Variants in GABRA3 observed in about 807,000 individuals in gnomAD.
The protein encoded by GABRA3 is gamma-aminobutyric acid type A receptor subunit alpha3.
Under a neutral mutation model 30.1 loss-of-function variants are expected in GABRA3, and 10 were observed. The ratio of observed to expected loss-of-function variants is 0.33; its 90% CI spans 0.20 to 0.56. The LOEUF (loss-of-function observed/expected upper bound fraction) is 0.56. GABRA3 is among the 20% of genes least tolerant of loss of function. The pLI is 0.89. For missense variants in GABRA3, 233 were observed against 392.0 expected, an observed-to-expected ratio of 0.59 and a Z score of 3.42; for synonymous variants, 151 against 146.8, an observed-to-expected ratio of 1.03 and a Z score of -0.21.
intron 3 of GABRA3, among the ~76,000 whole-genome samples, chrX:152,325,363 G>A (rs1940036691): frequency 9.0e-6 from 1 of 111,550 alleles, no homozygotes; most frequent in Admixed American, 9.5e-5. Context: ...CTCCCAGCAT[G>A]GAGTTTGAGA....
intron 2 of GABRA3, among the ~76,000 whole-genome samples, chrX:152,360,712 T>TAAAAAAAAAAAATAAAAAAAAAAAAAAAA (rs1928463676): frequency 3.2e-5 from 1 of 31,501 alleles, no homozygotes; most frequent in African/African-American, 1.3e-4. Context: ...AAAAAAAAAT[T>TAAAAAAAAAAAATAAAAAAAAAAAAAAAA]AAAAAAAAAA....
At chrX:152,416,779 AT>A (rs1301447827) in intron 1 of GABRA3, among the ~76,000 whole-genome samples, 2 of 110,575 alleles carry the variant, frequency 1.8e-5, no homozygotes, top group Non-Finnish European at 3.8e-5. Context: ...TGGGGAAAGG[AT>A]TCCCTGTTTA....
At chrX:152,433,411 G>A (rs1296100848) in intron 1 of GABRA3, among the ~76,000 whole-genome samples, 1 of 108,812 alleles carries the variant, frequency 9.2e-6, no homozygotes, top group Non-Finnish European at 1.9e-5. Context: ...GAATGAATAA[G>A]AATTTTCAAG....
chrX:152,394,112 T>C (rs1222307517), intron 1 of GABRA3, among the ~76,000 whole-genome samples: 3 of 111,534 alleles, frequency 2.7e-5, no homozygotes, highest in Admixed American at 1.9e-4. Flanking sequence ...TTATGTATAA[T>C]AGCTTATACA....
chrX:152,369,482 C>T (rs1303192808), intron 1 of GABRA3, among the ~76,000 whole-genome samples: 2 of 111,658 alleles, frequency 1.8e-5, no homozygotes, highest in African/African-American at 3.3e-5. Flanking sequence ...GCCACTGTGG[C>T]CTCCTTCGCT....
intron 3 of GABRA3, among the ~76,000 whole-genome samples, chrX:152,326,911 A>C (rs938075914): frequency 9.0e-6 from 1 of 111,117 alleles, no homozygotes; most frequent in Non-Finnish European, 1.9e-5. Flanking sequence ...AGACTGGCAA[A>C]TTGGATAAAG....
intron 9 of GABRA3, among the ~76,000 whole-genome samples, chrX:152,179,945 C>A: frequency 9.0e-6 from 1 of 111,576 alleles, no homozygotes; most frequent in Non-Finnish European, 1.9e-5. Context: ...ACCACATTTT[C>A]TTTATCTATT....
At chrX:152,236,095 T>A (rs1402484983) in intron 5 of GABRA3, among the ~76,000 whole-genome samples, 3 of 90,526 alleles carry the variant, frequency 3.3e-5, no homozygotes, top group Non-Finnish European at 4.4e-5. Flanking sequence ...CTGCACCCAC[T>A]AACTCGTCAT....
chrX:152,279,235 T>A (rs1202163450), intron 4 of GABRA3, among the ~76,000 whole-genome samples: 2 of 112,183 alleles, frequency 1.8e-5, no homozygotes, highest in African/African-American at 6.5e-5. Context: ...AGGGTTTTTA[T>A]GGTTTTAGGT....
chrX:152,303,369 T>C (rs758388522), intron 3 of GABRA3, among the ~76,000 whole-genome samples: 1 of 111,651 alleles, frequency 9.0e-6, no homozygotes, highest in East Asian at 2.9e-4. Flanking sequence ...TTGTTGGGAG[T>C]GTAAATTAGT....
intron 3 of GABRA3, among the ~76,000 whole-genome samples, chrX:152,300,125 A>G (rs1335938530): frequency 8.9e-6 from 1 of 112,687 alleles, no homozygotes; most frequent in African/African-American, 3.2e-5. Context: ...AAGCTTTGAG[A>G]ACTACACTAT....
At chrX:152,409,099 T>C (rs1417288313) in intron 1 of GABRA3, among the ~76,000 whole-genome samples, 1 of 111,866 alleles carries the variant, frequency 8.9e-6, no homozygotes, top group Non-Finnish European at 1.9e-5. Flanking sequence ...ATGCCTGTAA[T>C]TCAAGTGCTT....
At chrX:152,229,755 G>C (rs1938031295) in intron 5 of GABRA3, among the ~76,000 whole-genome samples, 1 of 110,900 alleles carries the variant, frequency 9.0e-6, no homozygotes, top group Non-Finnish European at 1.9e-5. Context: ...CTTTCACTAT[G>C]AGTGAAATAT....
intron 4 of GABRA3, among the ~76,000 whole-genome samples, chrX:152,261,624 C>T (rs1208895009): frequency 8.9e-6 from 1 of 112,676 alleles, no homozygotes; most frequent in Non-Finnish European, 1.9e-5. Context: ...CCAGGTCATG[C>T]TGATGCAAGA....
In GABRA3 at chrX:152,238,282, T is replaced by A. The variant is rs1332446543; in HGVS notation, c.552-13437A>T. 5.6e-4 allele frequency among the ~76,000 whole-genome samples: 54 copies of A among 95,943 alleles called. 1 individual carries two copies. The highest frequency in any genetic ancestry group is 2.0e-3 in the Admixed American group (18 of 8,902). 83.3% of individuals were successfully genotyped at this position (95,943 alleles called of 115,157 possible). On this transcript the variant is annotated intron_variant, in intron 5 of 9. Transcript: ENST00000370314. Reference sequence around the variant, plus strand: ...GTTTTTGTCTTTGGCTCTGTTTATATGCTGGATTACATTTATTGATTTGTG... The same window carrying A: ...GTTTTTGTCTTTGGCTCTGTTTATAAGCTGGATTACATTTATTGATTTGTG...
intron 1 of GABRA3, among the ~76,000 whole-genome samples, chrX:152,424,756 T>C (rs1220807124): frequency 9.1e-6 from 1 of 109,783 alleles, no homozygotes; most frequent in Non-Finnish European, 1.9e-5. Flanking sequence ...CCCACAGTGG[T>C]TTTATTTAAA....
chrX:152,271,739 G>A (rs1938942420), intron 4 of GABRA3, among the ~76,000 whole-genome samples: 1 of 111,788 alleles, frequency 8.9e-6, no homozygotes, highest in African/African-American at 3.3e-5. Context: ...AGGGAAAAAT[G>A]GTTTCCTGGA....
chrX:152,309,351 G>A (rs1939766894), intron 3 of GABRA3, among the ~76,000 whole-genome samples: 1 of 110,874 alleles, frequency 9.0e-6, no homozygotes, highest in South Asian at 3.8e-4. Flanking sequence ...GATTCTCAAA[G>A]GTCAACATAA....
intron 3 of GABRA3, among the ~76,000 whole-genome samples, chrX:152,342,673 T>A (rs998149596): frequency 8.9e-5 from 10 of 111,908 alleles, no homozygotes; most frequent in African/African-American, 3.2e-4. Context: ...CTTTGTCAGA[T>A]ATCAGATTTT....
Sources: gnomAD v4.1 joint callset for allele counts (sites outside exome capture counted in the v4.1 genomes callset) on GRCh38, gnomAD v4.1.1 for gene constraint, MANE v1.5 for transcripts, NCBI Gene and HGNC (gene_info 2026-07-23, HGNC 2026-07-21) for gene names.